The following SULF2 variants were observed in gnomAD, a reference collection of about 807,000 sequenced individuals.
SULF2 encodes the protein extracellular sulfatase Sulf-2.
SULF2 carries 52 observed loss-of-function variants against 107.7 expected under a neutral mutation model. The ratio of observed to expected loss-of-function variants is 0.48; its 90% CI spans 0.39 to 0.61. SULF2 has a LOEUF of 0.61. Among genes scored for constraint, SULF2 ranks in the 20% least tolerant of loss-of-function variants. The pLI is 0.00. For synonymous variants in SULF2, 460 were observed against 464.3 expected (o/e 0.99, Z 0.12); for missense variants, 993 against 1,177.3 (o/e 0.84, Z 2.29).
chr20:47,732,521 A>G (rs746716338), intron 3 of SULF2, among the ~76,000 whole-genome samples: 2 of 152,228 alleles, frequency 1.3e-5, no homozygotes, highest in African/African-American at 2.4e-5. Flanking sequence ...GAACTGTGTT[A>G]AAGGATGACT....
intron 2 of SULF2, among the ~76,000 whole-genome samples, 200 bp downstream of exon 2, chr20:47,756,989 A>C (rs1256198620): frequency 6.6e-6 from 1 of 152,196 alleles, no homozygotes; most frequent in Non-Finnish European, 1.5e-5. Flanking sequence ...CGGTTGTGCA[A>C]CTGGAGAAGG....
intron 3 of SULF2, among the ~76,000 whole-genome samples, chr20:47,731,210 T>TTTTTTTTTTTTTTTTTTTG (rs1491437167): frequency 9.6e-5 from 13 of 135,740 alleles, no homozygotes; most frequent in African/African-American, 4.0e-4. Flanking sequence ...TTTTTTTTTT[T>TTTTTTTTTTTTTTTTTTTG]GAGACAGAGT....
At chr20:47,769,342 A>AC (rs2090585270) in intron 1 of SULF2, among the ~76,000 whole-genome samples, 1 of 148,676 alleles carries the variant, frequency 6.7e-6, no homozygotes, top group Non-Finnish European at 1.5e-5. Context: ...GCCCGGCCAC[A>AC]CCTGCCTAAT....
chr20:47,762,533 A>AG (rs2090438373), intron 1 of SULF2, among the ~76,000 whole-genome samples: 1 of 152,230 alleles, frequency 6.6e-6, no homozygotes, highest in African/African-American at 2.4e-5. Context: ...GTGGCAGAGA[A>AG]GGGGTTCAAA....
intron 3 of SULF2, among the ~76,000 whole-genome samples, chr20:47,725,195 C>T (rs1050232186): frequency 5.9e-5 from 9 of 152,152 alleles, no homozygotes; most frequent in African/African-American, 1.9e-4. Flanking sequence ...GGGGATGGGA[C>T]TTTCAGAAAT....
intron 4 of SULF2, among the ~76,000 whole-genome samples, chr20:47,691,165 AT>A (rs1453494606): frequency 1.3e-5 from 2 of 152,216 alleles, no homozygotes; most frequent in Non-Finnish European, 2.9e-5. Flanking sequence ...GGGTGGGTAT[AT>A]CCCTAAGTCC....
At chr20:47,751,181 C>T (rs1434572686) in intron 2 of SULF2, among the ~76,000 whole-genome samples, 1 of 152,254 alleles carries the variant, frequency 6.6e-6, no homozygotes, top group South Asian at 2.1e-4. Context: ...GTCTGGTCCA[C>T]AGTTTGAGCA....
In SULF2 at chr20:47,666,016, C is replaced by T. The variant is rs1483098709; in HGVS notation, c.1806-63G>A. ...GTGGAGGGGGAGCAGCCCAGGTGCCCAAGAGGTGTGGGAAGCCCTTGCCGA... is the reference window on the plus strand; with the variant it reads ...GTGGAGGGGGAGCAGCCCAGGTGCCTAAGAGGTGTGGGAAGCCCTTGCCGA... On this transcript the variant is annotated intron_variant, in intron 12 of 20. Transcript: ENST00000688720. The surrounding 1 kb of genome is among the most constrained non-coding windows in gnomAD (Gnocchi z 5.4). 1.4e-5 allele frequency: 22 copies of T among 1,597,090 alleles called. No homozygotes were observed. Among genetic ancestry groups the T allele is most frequent in the Non-Finnish European group, 1.9e-5 (22 of 1,165,112 alleles).
At chr20:47,750,878 G>T (rs1462863096) in intron 2 of SULF2, among the ~76,000 whole-genome samples, 1 of 152,130 alleles carries the variant, frequency 6.6e-6, no homozygotes, top group African/African-American at 2.4e-5. Flanking sequence ...CTTCCCCAGG[G>T]ATCCCCCTTG....
intron 1 of SULF2, among the ~76,000 whole-genome samples, chr20:47,775,256 T>A (rs2090704264): frequency 6.6e-6 from 1 of 152,182 alleles, no homozygotes; most frequent in Non-Finnish European, 1.5e-5. Context: ...ATTTTTGCAC[T>A]CTTAGAAGTC....
chr20:47,671,398 C>T (rs554218946), intron 11 of SULF2, among the ~76,000 whole-genome samples: 102 of 150,734 alleles, frequency 6.8e-4, no homozygotes, highest in Admixed American at 1.6e-3. Flanking sequence ...CCTCTGCTCC[C>T]GGGTTCAAGC....
chr20:47,695,075 G>A (rs921494620), intron 4 of SULF2, among the ~76,000 whole-genome samples: 7 of 152,186 alleles, frequency 4.6e-5, no homozygotes, highest in South Asian at 4.1e-4. Context: ...TGCACAAACC[G>A]TTCCTGTAAA....
At chr20:47,774,428 C>T (rs1254178936) in intron 1 of SULF2, among the ~76,000 whole-genome samples, 1 of 152,200 alleles carries the variant, frequency 6.6e-6, no homozygotes, top group Non-Finnish European at 1.5e-5. Context: ...ACCGCGCATG[C>T]TCTCCTTTCA....
chr20:47,716,166 T>A (rs1322737222), intron 3 of SULF2, among the ~76,000 whole-genome samples: 1 of 152,254 alleles, frequency 6.6e-6, no homozygotes, highest in East Asian at 1.9e-4. Context: ...GTGATAGTTA[T>A]TATATTAGAG....
chr20:47,714,134 C>A (rs761417121), intron 3 of SULF2, among the ~76,000 whole-genome samples: 2 of 152,230 alleles, frequency 1.3e-5, no homozygotes, highest in African/African-American at 4.8e-5. Flanking sequence ...AACAGACCCG[C>A]GCCATTTCGC....
intron 7 of SULF2, among the ~76,000 whole-genome samples, chr20:47,682,346 C>T (rs183828435): frequency 1.4e-4 from 22 of 152,328 alleles, no homozygotes; most frequent in Admixed American, 9.8e-4. Flanking sequence ...AATAGCAACA[C>T]ATCTGCTTTT....
chr20:47,725,158 C>T (rs985299330), intron 3 of SULF2, among the ~76,000 whole-genome samples: 4 of 152,202 alleles, frequency 2.6e-5, no homozygotes, highest in African/African-American at 9.7e-5. Flanking sequence ...ATTTGCCATT[C>T]AAATCCTTTG....
intron 5 of SULF2, among the ~76,000 whole-genome samples, chr20:47,687,713 G>GTT: frequency 6.8e-6 from 1 of 147,174 alleles, no homozygotes; most frequent in African/African-American, 2.5e-5. Flanking sequence ...GCATGTGTGT[G>GTT]TTTTTTTTTT....
chr20:47,757,314 G>A lies in SULF2; in HGVS notation c.50C>T (p.Ser17Phe), dbSNP rs528374257. 2.5e-6 allele frequency: 4 copies of A among 1,602,332 alleles called. No individual in the cohort carries two copies. The South Asian group carries it at 3.4e-5, about 14-fold the overall frequency. ...VLCLLSATVF[S>F]LLGGSSAFLS... Reference sequence around the variant, plus strand: ...GAAGGCCGAGCTTCCACCCAGCAGGGAGAACACAGTTGCGGACAGCAAGCA... The same window carrying A: ...GAAGGCCGAGCTTCCACCCAGCAGGAAGAACACAGTTGCGGACAGCAAGCA... The change falls in exon 2 of 21, where the codon TCC becomes TTC. Residue 17 changes from serine to phenylalanine, a missense_variant. Transcript: ENST00000688720.
Sources: gnomAD v4.1 joint callset for allele counts (sites outside exome capture counted in the v4.1 genomes callset) on GRCh38, gnomAD v4.1.1 for gene constraint, Gnocchi (gnomAD v3.1) non-coding constraint, MANE v1.5 for transcripts, NCBI Gene and HGNC (gene_info 2026-07-23, HGNC 2026-07-21) for gene names.